The following ASAP1 variants were observed in gnomAD, a reference collection of about 807,000 sequenced individuals.
ASAP1 encodes the protein ArfGAP with SH3 domain, ankyrin repeat and PH domain 1, also known as arf-GAP with SH3 domain, ANK repeat and PH domain-containing protein 1.
Under a neutral mutation model 145.2 loss-of-function variants are expected in ASAP1, and 43 were observed. The observed-to-expected ratio is 0.30, with a 90% CI of 0.23 to 0.38. ASAP1 has a LOEUF of 0.38. Among genes scored for constraint, ASAP1 ranks in the 10% least tolerant of loss-of-function variants. The pLI is 1.00. For synonymous variants in ASAP1, 546 were observed against 515.5 expected, an observed-to-expected ratio of 1.06 and a Z score of -0.80; for missense variants, 1,018 against 1,355.3, an observed-to-expected ratio of 0.75 and a Z score of 3.91.
chr8:130,423,570 T>C (rs1030777370), intron 1 of ASAP1, among the ~76,000 whole-genome samples: 1 of 152,216 alleles, frequency 6.6e-6, no homozygotes, highest in African/African-American at 2.4e-5. Context: ...AAATAAATTA[T>C]GATCTATCCA....
intron 2 of ASAP1, among the ~76,000 whole-genome samples, chr8:130,366,203 T>G (rs1214476007): frequency 1.3e-5 from 2 of 152,186 alleles, no homozygotes; most frequent in Non-Finnish European, 2.9e-5. Flanking sequence ...ATGTTGTCTT[T>G]GCATCACAGA....
At chr8:130,054,903 C>G in intron 29 of ASAP1, 98 bp from the exon 30 acceptor site, 1 of 932,870 alleles carries the variant, frequency 1.1e-6, no homozygotes, top group Non-Finnish European at 1.8e-6. Flanking sequence ...GCCCACAGAC[C>G]TGGCGGTGGA....
chr8:130,426,893 C>A (rs1829939281), intron 1 of ASAP1, among the ~76,000 whole-genome samples: 1 of 152,204 alleles, frequency 6.6e-6, no homozygotes, highest in African/African-American at 2.4e-5. Flanking sequence ...CTATCTGTTG[C>A]CCCACTGGAA....
At chr8:130,213,316 G>A (rs1056971066) in intron 5 of ASAP1, among the ~76,000 whole-genome samples, 5 of 152,146 alleles carry the variant, frequency 3.3e-5, no homozygotes, top group African/African-American at 4.8e-5. Flanking sequence ...TCGCCAATTA[G>A]AAAAACTGTC....
intron 1 of ASAP1, among the ~76,000 whole-genome samples, chr8:130,429,755 C>T (rs1180655089): frequency 6.6e-6 from 1 of 152,166 alleles, no homozygotes; most frequent in Non-Finnish European, 1.5e-5. Flanking sequence ...AGGAGAACAC[C>T]CCCACTCCCC....
At chr8:130,129,042 G>A (rs532148428) in intron 15 of ASAP1, among the ~76,000 whole-genome samples, 1 of 152,282 alleles carries the variant, frequency 6.6e-6, no homozygotes, top group South Asian at 2.1e-4. Context: ...CCCCCATGCT[G>A]TTCTCATGAT....
chr8:130,054,602 C>T lies in ASAP1; in HGVS notation c.*129G>A. 1.3e-6 allele frequency: 1 copy of T among 745,012 alleles called. No individual in the cohort carries two copies. The highest frequency in any genetic ancestry group is 1.5e-5 in the South Asian group (1 of 65,576). The allele number at this position is 745,012 out of a possible 1,614,324, so 46.2% of individuals were successfully genotyped here. On this transcript the variant is annotated 3_prime_UTR_variant, in exon 30 of 30. Transcript: ENST00000518721. ...ATATTTACAACACACATTATATCCCCCTCCTGAGGTGGCCCTTCCATGAGT... is the reference window on the plus strand; with the variant it reads ...ATATTTACAACACACATTATATCCCTCTCCTGAGGTGGCCCTTCCATGAGT...
intron 4 of ASAP1, among the ~76,000 whole-genome samples, chr8:130,228,213 C>T (rs1189148172): frequency 6.6e-6 from 1 of 152,168 alleles, no homozygotes; most frequent in Non-Finnish European, 1.5e-5. Context: ...CACATCCCAG[C>T]TCTCTACCTA....
At chr8:130,430,604 T>C (rs1189522509) in intron 1 of ASAP1, among the ~76,000 whole-genome samples, 2 of 152,088 alleles carry the variant, frequency 1.3e-5, no homozygotes, top group African/African-American at 4.8e-5. Context: ...TTTAAGGAGA[T>C]TTCCCTGAGG....
At chr8:130,409,951 G>A (rs1369014576) in intron 1 of ASAP1, among the ~76,000 whole-genome samples, 5 of 152,176 alleles carry the variant, frequency 3.3e-5, no homozygotes, top group African/African-American at 1.2e-4. Flanking sequence ...CAGTCTGGTG[G>A]GGCAGGGACA....
At chr8:130,145,228 C>T (rs1005898268) in intron 13 of ASAP1, among the ~76,000 whole-genome samples, 4 of 152,194 alleles carry the variant, frequency 2.6e-5, no homozygotes, top group African/African-American at 9.7e-5. Flanking sequence ...TCATGCTATC[C>T]AACAAGGGTA....
chr8:130,282,764 G>A (rs1821330597), intron 3 of ASAP1, among the ~76,000 whole-genome samples: 1 of 152,186 alleles, frequency 6.6e-6, no homozygotes, highest in Admixed American at 6.5e-5. Context: ...GAAATAGAGT[G>A]TGGTGGGGGT....
intron 3 of ASAP1, among the ~76,000 whole-genome samples, chr8:130,308,944 T>C (rs1198156686): frequency 1.3e-5 from 2 of 151,852 alleles, no homozygotes; most frequent in African/African-American, 4.8e-5. Context: ...CAATGAAGAG[T>C]CTACAACTAT....
intron 27 of ASAP1, among the ~76,000 whole-genome samples, chr8:130,072,831 G>GTGTGCGTGCGCGCGCGCGCACGCGC (rs58907739): frequency 9.0e-6 from 1 of 110,706 alleles, no homozygotes; most frequent in Non-Finnish European, 2.0e-5. Flanking sequence ...GTGTGCGCGC[G>GTGTGCGTGCGCGCGCGCGCACGCGC]GGGGGGGGCA....
chr8:130,111,326 C>T (rs905662774), intron 24 of ASAP1, among the ~76,000 whole-genome samples: 2 of 149,944 alleles, frequency 1.3e-5, no homozygotes, highest in African/African-American at 2.5e-5. Context: ...GAGATGGAGG[C>T]GACTGAGAAA....
chr8:130,271,414 A>C (rs960773662), intron 3 of ASAP1, among the ~76,000 whole-genome samples: 3 of 152,248 alleles, frequency 2.0e-5, no homozygotes, highest in Non-Finnish European at 4.4e-5. Flanking sequence ...TTCTTTACCA[A>C]GAAATTATAT....
chr8:130,119,851 A>G (rs528995941), intron 18 of ASAP1, among the ~76,000 whole-genome samples: 6 of 152,064 alleles, frequency 3.9e-5, no homozygotes, highest in African/African-American at 1.4e-4. Context: ...TATATTTTGA[A>G]TTAAAGGATG....
At chr8:130,055,536 A>G (rs2097402105) in intron 29 of ASAP1, among the ~76,000 whole-genome samples, 1 of 86,614 alleles carries the variant, frequency 1.2e-5, no homozygotes, top group South Asian at 4.0e-4. Context: ...TCTAGCCAGT[A>G]AAAAAAAAAA....
At chr8:130,328,260 A>G (rs1348731164) in intron 3 of ASAP1, among the ~76,000 whole-genome samples, 2 of 152,224 alleles carry the variant, frequency 1.3e-5, no homozygotes, top group Non-Finnish European at 2.9e-5. Context: ...TAGTGCCACA[A>G]CAGAGTTTCA....
Sources: allele counts gnomAD v4.1 joint callset (sites outside exome capture counted in the v4.1 genomes callset), GRCh38; gene constraint gnomAD v4.1.1; transcripts MANE v1.5; gene names NCBI Gene and HGNC (gene_info 2026-07-23, HGNC 2026-07-21).